CDH4: variants seen among roughly 807,000 people sequenced by gnomAD.
CDH4 encodes cadherin-4.
Under a neutral mutation model 86.0 loss-of-function variants are expected in CDH4, and 33 were observed. That is an observed-to-expected ratio of 0.38 (90% CI 0.29 to 0.51). The LOEUF is 0.51. Among genes scored for constraint, CDH4 ranks in the 20% least tolerant of loss-of-function variants. The pLI is 0.86. For missense variants in CDH4, 1,114 were observed against 1,307.4 expected, an observed-to-expected ratio of 0.85 and a Z score of 2.28; for synonymous variants, 555 against 549.4, an observed-to-expected ratio of 1.01 and a Z score of -0.14.
At chr20:61,923,803 C>A in intron 10 of CDH4, 99 bp downstream of exon 10, 4 of 1,456,818 alleles carry the variant, frequency 2.7e-6, no homozygotes, top group Non-Finnish European at 3.7e-6. Flanking sequence ...CCAGAATTCC[C>A]CCAGATGGGT....
intron 2 of CDH4, among the ~76,000 whole-genome samples, chr20:61,478,017 G>T (rs1199723879): frequency 6.6e-6 from 1 of 152,146 alleles, no homozygotes; most frequent in Non-Finnish European, 1.5e-5. Flanking sequence ...CGGTAAGATG[G>T]GAGTCTGAAG....
intron 2 of CDH4, among the ~76,000 whole-genome samples, chr20:61,614,068 C>T (rs1010833691): frequency 1.2e-4 from 19 of 152,076 alleles, no homozygotes; most frequent in Non-Finnish European, 2.4e-4. Flanking sequence ...GAGAAATTGA[C>T]TTAGTCTTTG....
intron 2 of CDH4, among the ~76,000 whole-genome samples, chr20:61,469,410 A>G (rs2085490148): frequency 6.6e-6 from 1 of 152,092 alleles, no homozygotes; most frequent in South Asian, 2.1e-4. Context: ...CCAGATTATT[A>G]GATTCTTTCC....
At chr20:61,841,564 C>T (rs1257449950) in intron 4 of CDH4, among the ~76,000 whole-genome samples, 1 of 152,172 alleles carries the variant, frequency 6.6e-6, no homozygotes, top group Admixed American at 6.5e-5. Context: ...GGAGGCTTTT[C>T]CCATGGACCG....
At chr20:61,653,577 T>A in intron 2 of CDH4, among the ~76,000 whole-genome samples, 1 of 135,338 alleles carries the variant, frequency 7.4e-6, no homozygotes, top group Non-Finnish European at 1.6e-5. Flanking sequence ...GACCCCCACC[T>A]CCCTCCCGGA....
intron 2 of CDH4, among the ~76,000 whole-genome samples, chr20:61,581,848 G>A (rs8118977): frequency 0.02 from 3,097 of 152,280 alleles, 75 homozygotes; most frequent in African/African-American, 0.055. Context: ...GCTACCGTGA[G>A]GTGGAATCGG....
intron 2 of CDH4, among the ~76,000 whole-genome samples, chr20:61,322,695 G>T (rs78452857): frequency 0.05 from 7,537 of 152,228 alleles, 201 homozygotes; most frequent in Middle Eastern, 0.078. Context: ...TTCATCCAAC[G>T]CTGAGACGCA....
rs746535720 is a variant in CDH4, at chr20:61,929,783, C to T, written c.2180C>T (p.Ala727Val). The T allele has an allele frequency of 1.4e-5, 23 of 1,613,992 alleles. No individual in the cohort carries two copies. Among genetic ancestry groups the T allele is most frequent in the South Asian group, 5.5e-5 (5 of 91,094 alleles). The change falls in exon 13 of 16, where the codon GCG becomes GTG. Residue 727 changes from alanine (A) to valine (V), a missense_variant. Around this residue, in one of 3 missense-constraint regions of CDH4, gnomAD observed 705 missense variants for 914.1 expected, o/e 0.77. Transcript: ENST00000614565. ...TGCACCACCATTGGCGCAGTGGCAG[C>T]GGCTGGTCTGGGCACCGGTGCCATC... ...GDCTTIGAVA[A>V]AGLGTGAIVA...
chr20:61,620,400 GGATA>G (rs2086766512), intron 2 of CDH4, among the ~76,000 whole-genome samples: 2 of 151,950 alleles, frequency 1.3e-5, no homozygotes, highest in Admixed American at 6.6e-5. Context: ...GATAATGGAT[GGATA>G]GATAGATGGA....
chr20:61,369,520 G>A (rs1004618294), intron 2 of CDH4, among the ~76,000 whole-genome samples: 10 of 150,218 alleles, frequency 6.7e-5, no homozygotes, highest in Admixed American at 6.0e-4. Flanking sequence ...GGTTGGGTCT[G>A]TAGATTAGAA....
At chr20:61,834,499 G>A (rs887574621) in intron 4 of CDH4, among the ~76,000 whole-genome samples, 11 of 152,230 alleles carry the variant, frequency 7.2e-5, no homozygotes, top group Non-Finnish European at 1.5e-5. Flanking sequence ...ATTTACAGGG[G>A]CAGACAGGTC....
chr20:61,787,463 G>A (rs1978944650), intron 4 of CDH4, among the ~76,000 whole-genome samples: 1 of 152,180 alleles, frequency 6.6e-6, no homozygotes, highest in East Asian at 1.9e-4. Context: ...CAACATGGAG[G>A]TAACTGCGCC....
intron 2 of CDH4, among the ~76,000 whole-genome samples, chr20:61,384,260 CA>C (rs1407858069): frequency 6.6e-5 from 10 of 152,114 alleles, no homozygotes; most frequent in Admixed American, 6.5e-4. Flanking sequence ...GGTTGACACC[CA>C]GTATTAACCA....
chr20:61,553,578 TG>T (rs1330407680), intron 2 of CDH4, among the ~76,000 whole-genome samples: 1 of 152,234 alleles, frequency 6.6e-6, no homozygotes, highest in African/African-American at 2.4e-5. Flanking sequence ...GTCCGATTGT[TG>T]GGTCATAGGG....
intron 6 of CDH4, among the ~76,000 whole-genome samples, chr20:61,856,638 C>T (rs971258477): frequency 1.7e-5 from 2 of 117,190 alleles, no homozygotes; most frequent in Admixed American, 1.8e-4. Flanking sequence ...TCTTCCCCAG[C>T]CCCCTAGAAT....
At chr20:61,603,229 G>A (rs576193125) in intron 2 of CDH4, among the ~76,000 whole-genome samples, 38 of 152,294 alleles carry the variant, frequency 2.5e-4, no homozygotes, top group African/African-American at 8.9e-4. Context: ...TCCCACTCTG[G>A]TTGGGAGACA....
chr20:61,766,254 C>T (rs138377634), intron 3 of CDH4, among the ~76,000 whole-genome samples: 35 of 147,516 alleles, frequency 2.4e-4, no homozygotes, highest in Middle Eastern at 3.5e-3. Flanking sequence ...TGGACAAATT[C>T]TTCCACTGGC....
chr20:61,768,230 G>A lies in CDH4; in HGVS notation c.397-4773G>A, dbSNP rs77660846. ...ACACACAAACACACATAAGCAATGC[G>A]TACCTGTGCATGTGTAGAATGCATA... On this transcript the variant is annotated intron_variant, in intron 3 of 15. Transcript: ENST00000614565. Among the ~76,000 whole-genome samples, 892 of 152,266 alleles carry A rather than the reference G, an allele frequency of 5.9e-3. 11 individuals are homozygous for A. Among genetic ancestry groups the A allele is most frequent in the South Asian group, 0.05 (241 of 4,824 alleles).
chr20:61,895,136 C>A, intron 8 of CDH4, 89 bp downstream of exon 8: 1 of 1,475,306 alleles, frequency 6.8e-7, no homozygotes, highest in Non-Finnish European at 9.2e-7. Flanking sequence ...CTCTCTGCGG[C>A]TCTGCCTGAC....
Sources: gnomAD v4.1 joint callset for allele counts (sites outside exome capture counted in the v4.1 genomes callset) on GRCh38, gnomAD v4.1.1 for gene constraint, gnomAD v4.1.1 regional missense constraint, MANE v1.5 for transcripts, NCBI Gene and HGNC (gene_info 2026-07-23, HGNC 2026-07-21) for gene names.